The following TRDN variants were observed in gnomAD, a reference collection of about 807,000 sequenced individuals.
TRDN encodes the protein triadin in skeletal muscle.
TRDN carries 161 observed loss-of-function variants against 149.7 expected under a neutral mutation model. The ratio of observed to expected loss-of-function variants is 1.08; its 90% CI spans 0.95 to 1.23. The LOEUF (loss-of-function observed/expected upper bound fraction) is 1.23, where lower values mean the gene tolerates loss of function less well. Among genes scored for constraint, TRDN ranks in the 50% most tolerant of loss-of-function variants. The pLI is 0.00. For missense variants in TRDN, 896 were observed against 823.5 expected, an observed-to-expected ratio of 1.09 and a Z score of -1.08; for synonymous variants, 294 against 250.5, an observed-to-expected ratio of 1.17 and a Z score of -1.64.
intron 1 of TRDN, among the ~76,000 whole-genome samples, chr6:123,571,340 T>C (rs1286915380): frequency 6.6e-6 from 1 of 152,214 alleles, no homozygotes; most frequent in Non-Finnish European, 1.5e-5. Context: ...CGTGCGCTCA[T>C]ATAATCAGTG....
chr6:123,303,106 A>G (rs1413580702), intron 24 of TRDN, among the ~76,000 whole-genome samples: 2 of 152,140 alleles, frequency 1.3e-5, no homozygotes, highest in African/African-American at 2.4e-5. Context: ...CTTAGAAGTT[A>G]AATCATGATG....
intron 9 of TRDN, among the ~76,000 whole-genome samples, chr6:123,481,230 T>C (rs527898143): frequency 1.6e-4 from 24 of 152,198 alleles, no homozygotes; most frequent in South Asian, 4.1e-4. Flanking sequence ...ACTCTGCTTG[T>C]GGTTTCTATG....
chr6:123,242,127 C>T (rs73771552), intron 38 of TRDN, among the ~76,000 whole-genome samples: 8,197 of 152,192 alleles, frequency 0.054, 657 homozygotes, highest in African/African-American at 0.19. Flanking sequence ...ATGACTCTTC[C>T]GGTTGAAAAA....
At chr6:123,493,810 C>T (rs1203300720) in intron 9 of TRDN, among the ~76,000 whole-genome samples, 1 of 152,156 alleles carries the variant, frequency 6.6e-6, no homozygotes, top group East Asian at 1.9e-4. Flanking sequence ...CTTACATTGT[C>T]TCTAAATTAA....
chr6:123,274,546 G>A (rs1582809642), intron 27 of TRDN, 95 bp downstream of exon 27: 3 of 1,071,060 alleles, frequency 2.8e-6, no homozygotes, highest in Admixed American at 2.4e-5. Context: ...GAGACTATGT[G>A]CATGTCTCCC....
chr6:123,237,953 T>C (rs1464717060), intron 38 of TRDN, among the ~76,000 whole-genome samples: 2 of 152,152 alleles, frequency 1.3e-5, no homozygotes, highest in Non-Finnish European at 2.9e-5. Context: ...TCCCCTATTC[T>C]ATCAGTAGAA....
At chr6:123,398,601 G>A (rs562203164) in intron 12 of TRDN, among the ~76,000 whole-genome samples, 20 of 152,250 alleles carry the variant, frequency 1.3e-4, no homozygotes, top group African/African-American at 4.3e-4. Context: ...AATAGAGAAA[G>A]GTTAACATTT....
chr6:123,285,946 G>A (rs984037494), intron 24 of TRDN, among the ~76,000 whole-genome samples: 1 of 152,044 alleles, frequency 6.6e-6, no homozygotes, highest in African/African-American at 2.4e-5. Flanking sequence ...CTAATAATCA[G>A]GGAAACACAA....
At chr6:123,295,256 T>C (rs1778152831) in intron 24 of TRDN, among the ~76,000 whole-genome samples, 3 of 152,154 alleles carry the variant, frequency 2.0e-5, no homozygotes, top group Admixed American at 2.0e-4. Flanking sequence ...TGCTCCTTAA[T>C]ATGCATGCAA....
intron 32 of TRDN, among the ~76,000 whole-genome samples, chr6:123,266,102 A>ATATCATATGTATTATATATTATATATAT (rs1562237030): frequency 7.8e-6 from 1 of 128,052 alleles, no homozygotes; most frequent in African/African-American, 2.9e-5. Context: ...TATATATTAT[A>ATATCATATGTATTATATATTATATATAT]TATCATATGT....
chr6:123,488,082 A>G (rs2114787961), intron 9 of TRDN, among the ~76,000 whole-genome samples: 1 of 152,276 alleles, frequency 6.6e-6, no homozygotes, highest in South Asian at 2.1e-4. Flanking sequence ...ACTGCTGAGC[A>G]TGCAGAAGAT....
chr6:123,485,804 A>T (rs947951373), intron 9 of TRDN, among the ~76,000 whole-genome samples: 1 of 152,138 alleles, frequency 6.6e-6, no homozygotes, highest in Non-Finnish European at 1.5e-5. Flanking sequence ...GCCCATGTTC[A>T]TTTGAAGTTT....
At chr6:123,551,149 A>C (rs571993201) in intron 2 of TRDN, among the ~76,000 whole-genome samples, 1 of 146,754 alleles carries the variant, frequency 6.8e-6, no homozygotes, top group East Asian at 1.9e-4. Context: ...AATCCAACAA[A>C]ATTGGGATCA....
chr6:123,348,081 T>TC (rs1780324856), intron 21 of TRDN, among the ~76,000 whole-genome samples: 1 of 152,096 alleles, frequency 6.6e-6, no homozygotes, highest in South Asian at 2.1e-4. Flanking sequence ...TCCTTTTTTT[T>TC]CTGTATAAAA....
At chr6:123,237,362 C>T (rs1453388829) in intron 38 of TRDN, among the ~76,000 whole-genome samples, 2 of 152,020 alleles carry the variant, frequency 1.3e-5, no homozygotes, top group Non-Finnish European at 2.9e-5. Flanking sequence ...GGATTTTCCT[C>T]TCTCAGCTTC....
chr6:123,413,435 T>C (rs1289483835), intron 12 of TRDN, among the ~76,000 whole-genome samples: 1 of 152,212 alleles, frequency 6.6e-6, no homozygotes, highest in Non-Finnish European at 1.5e-5. Context: ...TACCAGAAAG[T>C]ACTGGTTATA....
chr6:123,222,911 C>T (rs906514408), intron 39 of TRDN, among the ~76,000 whole-genome samples: 2 of 151,714 alleles, frequency 1.3e-5, no homozygotes, highest in Non-Finnish European at 3.0e-5. Flanking sequence ...AACATCACTA[C>T]TCATTAGAGA....
At chr6:123,554,723 A>G (rs955485041) in intron 2 of TRDN, among the ~76,000 whole-genome samples, 2 of 152,142 alleles carry the variant, frequency 1.3e-5, no homozygotes, top group Non-Finnish European at 2.9e-5. Flanking sequence ...GTTGGGAAGA[A>G]AGAAAAAACA....
intron 21 of TRDN, among the ~76,000 whole-genome samples, chr6:123,342,781 G>C (rs997015410): frequency 6.6e-6 from 1 of 151,938 alleles, no homozygotes; most frequent in Non-Finnish European, 1.5e-5. Context: ...ACCACAAATT[G>C]TTCCTAAAAG....
Sources: gnomAD v4.1 joint callset for allele counts (sites outside exome capture counted in the v4.1 genomes callset) on GRCh38, gnomAD v4.1.1 for gene constraint, MANE v1.5 for transcripts, NCBI Gene and HGNC (gene_info 2026-07-23, HGNC 2026-07-21) for gene names.